The following CNOT10 variants were observed in gnomAD, a reference collection of about 807,000 sequenced individuals.
CNOT10 encodes the protein CCR4-NOT transcription complex subunit 10.
A neutral mutation model predicts 94.6 loss-of-function variants in CNOT10; 30 were observed. That is an observed-to-expected ratio of 0.32 (90% CI 0.24 to 0.43). CNOT10 has a LOEUF of 0.43. Ranked by LOEUF, CNOT10 falls within the 20% of genes least tolerant of loss-of-function variation. The pLI, the probability that CNOT10 is intolerant of heterozygous loss-of-function variation, is 1.00. For synonymous variants in CNOT10, 289 were observed against 301.6 expected (o/e 0.96, Z 0.43); for missense variants, 759 against 877.2 (o/e 0.87, Z 1.70).
At chr3:32,753,064 C>G in intron 13 of CNOT10, 1 of 509,788 alleles carries the variant, frequency 2.0e-6, no homozygotes, top group East Asian at 5.2e-5. Flanking sequence ...TGTCAAAGAG[C>G]TTATTGTCAC....
At chr3:32,755,072 C>T (rs1171866506) in intron 13 of CNOT10, among the ~76,000 whole-genome samples, 1 of 150,542 alleles carries the variant, frequency 6.6e-6, no homozygotes, top group African/African-American at 2.4e-5. Context: ...TATGGTGAAA[C>T]CTCATCTCTA....
chr3:32,710,620 G>A (rs891273354), intron 4 of CNOT10, among the ~76,000 whole-genome samples: 2 of 152,182 alleles, frequency 1.3e-5, no homozygotes, highest in South Asian at 2.1e-4. Context: ...TGTTGTGCCT[G>A]TTCATTCCCT....
At chr3:32,735,207 T>C (rs1030670437) in intron 12 of CNOT10, among the ~76,000 whole-genome samples, 14 of 152,294 alleles carry the variant, frequency 9.2e-5, no homozygotes, top group East Asian at 1.9e-4. Flanking sequence ...GTAGCAGCTT[T>C]GGCCGGACGC....
intron 1 of CNOT10, 198 bp from the exon 2 acceptor site, chr3:32,703,670 C>A: frequency 2.0e-6 from 1 of 505,380 alleles, no homozygotes; most frequent in Non-Finnish European, 3.6e-6. Flanking sequence ...CGGGACACTG[C>A]AGGATGGCAA....
chr3:32,768,836 G>T (rs990953793), intron 17 of CNOT10, among the ~76,000 whole-genome samples: 1 of 152,100 alleles, frequency 6.6e-6, no homozygotes, highest in African/African-American at 2.4e-5. Flanking sequence ...CACGTTTCTG[G>T]TCTTCCCCAA....
At chr3:32,753,240 ATGCT>A in intron 13 of CNOT10, 1 of 762,242 alleles carries the variant, frequency 1.3e-6, no homozygotes, top group Non-Finnish European at 2.4e-6. Flanking sequence ...GATAGTGCAG[ATGCT>A]AATTTCAGTG....
At chr3:32,718,583 C>CAAAAA (rs368048572) in intron 7 of CNOT10, among the ~76,000 whole-genome samples, 4 of 74,034 alleles carry the variant, frequency 5.4e-5, no homozygotes, top group Non-Finnish European at 7.2e-5. Flanking sequence ...GACTCATTCT[C>CAAAAA]AAAAAAAAAA....
intron 7 of CNOT10, among the ~76,000 whole-genome samples, 196 bp downstream of exon 7, chr3:32,717,433 A>G (rs1686424713): frequency 6.6e-6 from 1 of 152,146 alleles, no homozygotes; most frequent in African/African-American, 2.4e-5. Context: ...AATTACAACA[A>G]GCACTTTTCT....
Position 32,717,193 on chromosome 3 carries a change from G to C in CNOT10, c.700G>C (p.Ala234Pro). 6.2e-7 allele frequency: 1 copy of C among 1,610,370 alleles called. No homozygotes were observed. Among genetic ancestry groups the C allele is most frequent in the Non-Finnish European group, 8.5e-7 (1 of 1,177,942 alleles). Reference protein sequence around the residue: ...RAYIQMKSLKACKREIKSVMN... With the variant: ...RAYIQMKSLKPCKREIKSVMN... ...TTATATCCAAATGAAGTCTCTGAAA[G>C]CATGTAAAAGGGAAATCAAGTCAGT... The change falls in exon 7 of 19, where the codon GCA becomes CCA. Residue 234 changes from alanine to proline, a missense_variant. Transcript: ENST00000328834.
intron 1 of CNOT10, chr3:32,695,956 C>A: frequency 1.5e-6 from 1 of 677,420 alleles, no homozygotes; most frequent in Non-Finnish European, 2.4e-6. Context: ...TAAAAATAAT[C>A]CTGTTGAAGA....
intron 18 of CNOT10, among the ~76,000 whole-genome samples, chr3:32,771,227 T>A (rs1278652755): frequency 2.6e-5 from 4 of 151,844 alleles, no homozygotes; most frequent in Non-Finnish European, 4.4e-5. Flanking sequence ...CTGGGAAGGC[T>A]GAGATTGGAG....
At chr3:32,739,595 T>C (rs967921342) in intron 13 of CNOT10, among the ~76,000 whole-genome samples, 7 of 151,340 alleles carry the variant, frequency 4.6e-5, no homozygotes, top group African/African-American at 1.7e-4. Flanking sequence ...TACAGATACC[T>C]GGGCAACATG....
intron 11 of CNOT10, 85 bp from the exon 12 acceptor site, chr3:32,734,715 A>C (rs1362011625): frequency 9.0e-7 from 1 of 1,114,404 alleles, no homozygotes; most frequent in African/African-American, 1.6e-5. Flanking sequence ...TTCATTTATA[A>C]TCAATTGGTT....
At position 32,749,216 on chromosome 3, in the gene CNOT10, G is replaced by A. The variant is rs567348615; in HGVS notation, c.1596-10242G>A. Among the ~76,000 whole-genome samples, 5 of 152,154 alleles carry A rather than the reference G, an allele frequency of 3.3e-5. No individual in the cohort carries two copies. In the East Asian group the frequency reaches 9.7e-4, roughly 29 times the overall value. On this transcript the variant is annotated intron_variant, in intron 13 of 18. Coordinates refer to ENST00000328834, the MANE Select transcript of CNOT10 (RefSeq NM_015442.3). ...GGGTTGTCTTTTCACTTTTTTGAAG[G>A]TGCCCTTTGAAGCATAAACGTTTTT...
intron 10 of CNOT10, chr3:32,730,648 GT>G (rs1189037569): frequency 1.3e-5 from 2 of 152,082 alleles, no homozygotes; most frequent in African/African-American, 2.4e-5. Context: ...CATAAAATTT[GT>G]TTTATTTAGT....
Position 32,727,444 on chromosome 3 carries a change from A to C in CNOT10, c.1013-224A>C, listed in dbSNP as rs74652417. Among the ~76,000 whole-genome samples, 234 of 152,304 alleles carry C rather than the reference A, an allele frequency of 1.5e-3. 1 individual carries two copies. The highest frequency in any genetic ancestry group is 5.2e-3 in the African/African-American group (215 of 41,582). ...TTGTTGCCTGAGGAGCTGGCAAATG[A>C]GAAGAGACATCTCTGGCTCTGCTAG... On this transcript the variant is annotated intron_variant, in intron 9 of 18. Coordinates refer to ENST00000328834, the MANE Select transcript of CNOT10 (RefSeq NM_015442.3).
Position 32,704,957 on chromosome 3 carries a change from C to T in CNOT10, c.264C>T (p.Asn88=). ...CAGATAATTTGAGACAAACACTTAA[C>T]CAGCTGAAGAATCAGGTGATACATA... ...TTTDNLRQTL[N]QLKNQVHSAV... The change falls in exon 3 of 19, where the codon AAC becomes AAT. Residue 88 remains asparagine (N), a synonymous_variant. Transcript: ENST00000328834. 1 of 1,534,846 alleles carries T rather than the reference C, an allele frequency of 6.5e-7. No individual in the cohort carries two copies. Among genetic ancestry groups the T allele is most frequent in the Non-Finnish European group, 8.7e-7 (1 of 1,153,070 alleles).
At chr3:32,755,307 C>CT (rs1476628922) in intron 13 of CNOT10, among the ~76,000 whole-genome samples, 1 of 146,398 alleles carries the variant, frequency 6.8e-6, no homozygotes, top group Non-Finnish European at 1.5e-5. Context: ...TTTCTTTTTT[C>CT]TTTTTCTTTT....
intron 13 of CNOT10, among the ~76,000 whole-genome samples, chr3:32,749,262 C>A (rs1439537964): frequency 6.6e-6 from 1 of 152,162 alleles, no homozygotes; most frequent in Middle Eastern, 3.4e-3. Context: ...AAAGTTAATT[C>A]TTATTTTTGT....
Sources: gnomAD v4.1 joint callset for allele counts (sites outside exome capture counted in the v4.1 genomes callset) on GRCh38, gnomAD v4.1.1 for gene constraint, MANE v1.5 for transcripts, NCBI Gene and HGNC (gene_info 2026-07-23, HGNC 2026-07-21) for gene names.